Variants in GJB7 observed in about 807,000 individuals in gnomAD.
GJB7 encodes the protein gap junction protein beta 7.
For synonymous variants in GJB7, 87 were observed against 95.2 expected, an observed-to-expected ratio of 0.91 and a Z score of 0.50; for missense variants, 253 against 256.8, an observed-to-expected ratio of 0.99 and a Z score of 0.10.
intron 2 of GJB7, among the ~76,000 whole-genome samples, chr6:87,309,211 A>T (rs941523758): frequency 3.9e-5 from 6 of 152,118 alleles, no homozygotes; most frequent in Admixed American, 1.3e-4. Context: ...ATTCTCCTGG[A>T]TCCTCCTTCA....
intron 2 of GJB7, among the ~76,000 whole-genome samples, chr6:87,301,974 T>G (rs192698452): frequency 2.0e-5 from 3 of 152,344 alleles, no homozygotes; most frequent in Admixed American, 2.0e-4. Flanking sequence ...GGGTCCTAAC[T>G]GTCAGAAGGA....
intron 2 of GJB7, chr6:87,298,825 C>T (rs1776281791): frequency 2.7e-6 from 1 of 373,022 alleles, no homozygotes; most frequent in Non-Finnish European, 5.4e-6. Flanking sequence ...AGGGTACTAG[C>T]CCCTTATCTC....
At chr6:87,305,461 A>C (rs988393111) in intron 2 of GJB7, among the ~76,000 whole-genome samples, 4 of 152,188 alleles carry the variant, frequency 2.6e-5, no homozygotes, top group Non-Finnish European at 2.9e-5. Context: ...TAGGAATCCA[A>C]CTTACAAGGG....
intron 2 of GJB7, among the ~76,000 whole-genome samples, chr6:87,317,629 T>C (rs1335962004): frequency 1.3e-5 from 2 of 152,018 alleles, no homozygotes; most frequent in Non-Finnish European, 2.9e-5. Context: ...TGGGGTTTCA[T>C]CATTTTAGCC....
Position 87,284,339 on chromosome 6 carries a change from C to T in GJB7, c.574G>A (p.Val192Met). 6.2e-7 allele frequency: 1 copy of T among 1,613,980 alleles called. No individual in the cohort carries two copies. The highest frequency in any genetic ancestry group is 8.5e-7 in the Non-Finnish European group (1 of 1,179,944). ...FLVITSCLCI[V>M]LNFIELSFLV... Reference sequence around the variant, plus strand: ...AAACTCAGTTCAATGAAATTCAACACAATACACAAGCATGAGGTGATGACC... The same window carrying T: ...AAACTCAGTTCAATGAAATTCAACATAATACACAAGCATGAGGTGATGACC... Residue 192 changes from valine to methionine, a missense_variant, in exon 3 of 3, where the codon GTG becomes ATG. Transcript: ENST00000525899.
intron 2 of GJB7, among the ~76,000 whole-genome samples, chr6:87,320,282 T>C (rs1776637342): frequency 1.3e-5 from 2 of 152,182 alleles, no homozygotes; most frequent in African/African-American, 2.4e-5. Context: ...ATGTACCCCA[T>C]AAATACATAC....
chr6:87,284,863 G>A lies in GJB7; in HGVS notation c.50C>T (p.Ser17Phe), dbSNP rs1227843047. The A allele has an allele frequency of 6.2e-7, 1 of 1,613,944 alleles. No individual in the cohort carries two copies. The highest frequency in any genetic ancestry group is 8.5e-7 in the Non-Finnish European group (1 of 1,179,990). Residue 17 changes from serine (S) to phenylalanine (F), a missense_variant, in exon 3 of 3, where the codon TCC (serine) becomes TTC (phenylalanine). Physicochemically the swap from Ser to Phe is radical, Grantham distance 155. Coordinates refer to ENST00000525899, the MANE Select transcript of GJB7 (RefSeq NM_198568.3). ...CAGCCAAATCCATCCAGTCCCAGTG[G>A]AGTATTTATTTACTCCACTCAGGAG... ...RDLLSGVNKY[S>F]TGTGWIWLAV... is the part of the protein sequence containing the mutation.
In GJB7 at chr6:87,284,925, A is replaced by G. The variant is rs754762729; in HGVS notation, c.-13T>C. 6 of 1,601,388 alleles carry G rather than the reference A, an allele frequency of 3.7e-6. No homozygotes were observed. The highest frequency in any genetic ancestry group is 5.1e-6 in the Non-Finnish European group (6 of 1,170,868). Reference sequence around the variant, plus strand: ...ACATCCAACTCATGACTTAGGCTCAAAAGAAGGCAAGACTCTGCAAAATAA... The same window carrying G: ...ACATCCAACTCATGACTTAGGCTCAGAAGAAGGCAAGACTCTGCAAAATAA... On this transcript the variant is annotated 5_prime_UTR_variant, in exon 3 of 3. Transcript: ENST00000525899.
At chr6:87,297,274 A>T (rs2127901247) in intron 2 of GJB7, among the ~76,000 whole-genome samples, 1 of 152,338 alleles carries the variant, frequency 6.6e-6, no homozygotes, top group South Asian at 2.1e-4. Context: ...GTAGCTTCCA[A>T]GAATCATACT....
chr6:87,295,230 G>A (rs762550407), intron 2 of GJB7, among the ~76,000 whole-genome samples: 2 of 152,152 alleles, frequency 1.3e-5, no homozygotes, highest in Non-Finnish European at 2.9e-5. Context: ...CCACATCTCA[G>A]AACAACTACT....
rs137922832 is a variant in GJB7, at chr6:87,318,091, T to A, written c.-28+4775A>T. On this transcript the variant is annotated intron_variant, in intron 2 of 2. Coordinates refer to ENST00000525899, the MANE Select transcript of GJB7 (RefSeq NM_198568.3). ...GAAGAAAAAGAGTAATGAATTGTGATCCTCTAATAATATCAGTTCCCCATT... is the reference window on the plus strand; with the variant it reads ...GAAGAAAAAGAGTAATGAATTGTGAACCTCTAATAATATCAGTTCCCCATT... 2.8e-3 allele frequency among the ~76,000 whole-genome samples: 418 copies of A among 150,860 alleles called. 3 individuals carry two copies. Among genetic ancestry groups the A allele is most frequent in the African/African-American group, 8.3e-3 (344 of 41,216 alleles).
At chr6:87,324,229 G>A (rs1212989566) in intron 1 of GJB7, among the ~76,000 whole-genome samples, 1 of 152,130 alleles carries the variant, frequency 6.6e-6, no homozygotes, top group Non-Finnish European at 1.5e-5. Context: ...TAGGTTGCCT[G>A]TTCACTCTGA....
chr6:87,310,571 A>G (rs1345346472), intron 2 of GJB7, among the ~76,000 whole-genome samples: 1 of 152,138 alleles, frequency 6.6e-6, no homozygotes, highest in Non-Finnish European at 1.5e-5. Context: ...GGGTGATGGG[A>G]GCACCAAAAT....
intron 2 of GJB7, among the ~76,000 whole-genome samples, chr6:87,314,748 T>G (rs1272111167): frequency 6.6e-6 from 1 of 152,196 alleles, no homozygotes; most frequent in East Asian, 1.9e-4. Context: ...CTACTCAACA[T>G]TCTTTCAATT....
chr6:87,285,366 C>T (rs1776042067), intron 2 of GJB7, among the ~76,000 whole-genome samples: 1 of 152,196 alleles, frequency 6.6e-6, no homozygotes, highest in Non-Finnish European at 1.5e-5. Flanking sequence ...AGTCTCTACT[C>T]ACTTTCTCTA....
intron 2 of GJB7, among the ~76,000 whole-genome samples, chr6:87,289,154 T>C (rs1210749224): frequency 6.6e-6 from 1 of 152,176 alleles, no homozygotes; most frequent in Non-Finnish European, 1.5e-5. Context: ...CTTTAGACAC[T>C]ACATCCATTC....
At chr6:87,297,573 C>T (rs1483522825) in intron 2 of GJB7, among the ~76,000 whole-genome samples, 2 of 152,090 alleles carry the variant, frequency 1.3e-5, no homozygotes, top group Non-Finnish European at 2.9e-5. Context: ...ACATTTTAAA[C>T]AACTACACTA....
At chr6:87,310,425 G>T (rs926245711) in intron 2 of GJB7, among the ~76,000 whole-genome samples, 1 of 152,034 alleles carries the variant, frequency 6.6e-6, no homozygotes, top group Non-Finnish European at 1.5e-5. Context: ...GAAGATATTT[G>T]CAATACATGT....
intron 2 of GJB7, among the ~76,000 whole-genome samples, chr6:87,303,055 C>G (rs1414567133): frequency 2.0e-5 from 3 of 152,112 alleles, no homozygotes; most frequent in Non-Finnish European, 4.4e-5. Flanking sequence ...ACAACCAGTA[C>G]CAGCCACTGC....
Sources: allele counts gnomAD v4.1 joint callset (sites outside exome capture counted in the v4.1 genomes callset), GRCh38; gene constraint gnomAD v4.1.1; transcripts MANE v1.5; gene names NCBI Gene and HGNC (gene_info 2026-07-23, HGNC 2026-07-21).